Variants in FBXL2 observed in about 807,000 individuals in gnomAD.
FBXL2 encodes F-box/LRR-repeat protein 2.
FBXL2 carries 38 observed loss-of-function variants against 69.2 expected under a neutral mutation model. The ratio of observed to expected loss-of-function variants is 0.55; its 90% CI spans 0.42 to 0.72. The LOEUF (loss-of-function observed/expected upper bound fraction) is 0.72. Among genes scored for constraint, FBXL2 ranks in the 30% least tolerant of loss-of-function variants. FBXL2 has a pLI of 0.00. For synonymous variants in FBXL2, 192 were observed against 201.3 expected (o/e 0.95, Z 0.39); for missense variants, 354 against 520.3 (o/e 0.68, Z 3.11).
intron 10 of FBXL2, 101 bp from the exon 11 acceptor site, chr3:33,377,170 CAT>C (rs1384672145): frequency 1.8e-6 from 2 of 1,116,718 alleles, no homozygotes; most frequent in African/African-American, 3.1e-5. Context: ...GAGGCAAAAG[CAT>C]GTCAAAGAGC....
downstream of FBXL2, chr3:33,390,286 A>G (rs1245194039): frequency 3.2e-6 from 5 of 1,583,874 alleles, no homozygotes; most frequent in Non-Finnish European, 3.5e-6. Flanking sequence ...CACACTTTTA[A>G]GCGTGACTAT....
the FBXL2 span, chr3:33,411,805 A>T: frequency 1.3e-6 from 1 of 755,674 alleles, no homozygotes; most frequent in South Asian, 1.7e-5. Flanking sequence ...CTGTCTTTCA[A>T]TGGTCTCCAT....
chr3:33,381,689 CTT>C (rs1271021012), intron 13 of FBXL2, among the ~76,000 whole-genome samples: 1 of 151,678 alleles, frequency 6.6e-6, no homozygotes, highest in Admixed American at 6.6e-5. Flanking sequence ...CAGAGAGACA[CTT>C]TTTTTCTCAT....
Position 33,402,293 on chromosome 3 carries a change from TAA to T in FBXL2, n.1215-939_1215-938del, listed in dbSNP as rs1393981709. 1.2e-4 allele frequency among the ~76,000 whole-genome samples: 18 copies of T among 152,256 alleles called. No individual in the cohort carries two copies. In the East Asian group the frequency reaches 3.3e-3, roughly 28 times the overall value. On this transcript the variant is annotated intron_variant and non_coding_transcript_variant, in intron 12 of 12. Transcript: ENST00000463736. ...TGCCAGTCAAGGCTGGATAACAGAA[TAA>T]AGAGTCCACCATTTCCATTTCTAAA...
the FBXL2 span, among the ~76,000 whole-genome samples, chr3:33,411,090 A>C: frequency 6.6e-6 from 1 of 151,520 alleles, no homozygotes; most frequent in Non-Finnish European, 1.5e-5. Context: ...AAAAAAAAAA[A>C]GTGCTCCAAG....
chr3:33,302,976 A>G, intron 2 of FBXL2: 2 of 435,236 alleles, frequency 4.6e-6, no homozygotes, highest in South Asian at 1.6e-5. Context: ...GATATAGCCC[A>G]GTGCTTATCA....
At chr3:33,405,496 T>C (rs2044395023), downstream of FBXL2, among the ~76,000 whole-genome samples, 1 of 152,218 alleles carries the variant, frequency 6.6e-6, no homozygotes, top group Admixed American at 6.5e-5. Context: ...AACTTTCAGA[T>C]GTCAATCTGG....
chr3:33,322,507 C>T (rs1348147583), intron 2 of FBXL2, among the ~76,000 whole-genome samples: 1 of 152,018 alleles, frequency 6.6e-6, no homozygotes, highest in Non-Finnish European at 1.5e-5. Flanking sequence ...TACACAGTTG[C>T]TTGGATAAAT....
upstream of FBXL2, among the ~76,000 whole-genome samples, chr3:33,277,270 A>G (rs2033362965): frequency 6.6e-6 from 1 of 151,202 alleles, no homozygotes; most frequent in South Asian, 2.1e-4. Context: ...AGGTGATCAG[A>G]CTGAGAGGAT....
At chr3:33,390,481 T>C, downstream of FBXL2, 1 of 1,103,756 alleles carries the variant, frequency 9.1e-7, no homozygotes, top group East Asian at 2.5e-5. Flanking sequence ...AGGTTACCTT[T>C]AAATGATTCT....
chr3:33,310,340 T>C (rs200229361), intron 2 of FBXL2, among the ~76,000 whole-genome samples: 1 of 151,798 alleles, frequency 6.6e-6, no homozygotes, highest in East Asian at 2.0e-4. Flanking sequence ...TTAGTAGAGA[T>C]GGGGTTTCAC....
intron 2 of FBXL2, among the ~76,000 whole-genome samples, chr3:33,298,480 T>C (rs1172152296): frequency 6.6e-6 from 1 of 152,110 alleles, no homozygotes. Flanking sequence ...GAGACCAGCC[T>C]GGCCAATGTG....
intron 2 of FBXL2, among the ~76,000 whole-genome samples, chr3:33,355,650 A>G (rs2041148098): frequency 6.6e-6 from 1 of 152,236 alleles, no homozygotes; most frequent in African/African-American, 2.4e-5. Context: ...ATGGAGCAGA[A>G]TACAAAGTCC....
intron 2 of FBXL2, among the ~76,000 whole-genome samples, chr3:33,352,190 C>A (rs1471145712): frequency 6.6e-6 from 1 of 152,068 alleles, no homozygotes; most frequent in Non-Finnish European, 1.5e-5. Context: ...GTCAACTGAT[C>A]TTTGACAAAG....
At chr3:33,403,256 G>C (rs1454762297) in exon 13 of FBXL2, 1 of 235,296 alleles carries the variant, frequency 4.2e-6, no homozygotes, top group Non-Finnish European at 8.4e-6. Context: ...CACCTATCAA[G>C]ATTTAAGAAT....
chr3:33,413,524 G>A, the FBXL2 span, among the ~76,000 whole-genome samples: 3 of 144,398 alleles, frequency 2.1e-5, no homozygotes, highest in East Asian at 6.1e-4. Flanking sequence ...TCCAGCCTAG[G>A]TGACAGAGCG....
chr3:33,381,508 G>C (rs184239922), intron 13 of FBXL2, among the ~76,000 whole-genome samples: 30 of 152,238 alleles, frequency 2.0e-4, no homozygotes, highest in Non-Finnish European at 4.4e-5. Context: ...GCCAGGCGTG[G>C]TGGCGCATGC....
At chr3:33,390,295 A>G (rs1172613658), downstream of FBXL2, 2 of 1,601,174 alleles carry the variant, frequency 1.2e-6, no homozygotes, top group Non-Finnish European at 1.7e-6. Flanking sequence ...AAGCGTGACT[A>G]TTTGGTACTG....
At chr3:33,384,253 G>A (rs1237520128) in intron 14 of FBXL2, 52 bp downstream of exon 14, 4 of 1,561,500 alleles carry the variant, frequency 2.6e-6, no homozygotes, top group Non-Finnish European at 3.5e-6. Context: ...AAGCACCAAA[G>A]GAAAACATCA....
Sources: gnomAD v4.1 joint callset for allele counts (sites outside exome capture counted in the v4.1 genomes callset) on GRCh38, gnomAD v4.1.1 for gene constraint, MANE v1.5 for transcripts, NCBI Gene and HGNC (gene_info 2026-07-23, HGNC 2026-07-21) for gene names.